The following PAH variants were observed in gnomAD, a reference collection of about 807,000 sequenced individuals.
PAH encodes the protein phenylalanine hydroxylase, also known as phenylalanine-4-hydroxylase.
Under a neutral mutation model 62.0 loss-of-function variants are expected in PAH, and 64 were observed. The observed-to-expected ratio is 1.03, with a 90% CI of 0.84 to 1.27. The LOEUF (loss-of-function observed/expected upper bound fraction) is 1.27. Among genes scored for constraint, PAH ranks in the 50% most tolerant of loss-of-function variants. The probability of loss-of-function intolerance (pLI) is 0.00; values close to 1 mark genes in which losing one functional copy is unlikely to be tolerated. For synonymous variants in PAH, 195 were observed against 196.2 expected (o/e 0.99, Z 0.05); for missense variants, 579 against 542.8 (o/e 1.07, Z -0.66).
chr12:102,891,133 A>G (rs1329120533), intron 3 of PAH, among the ~76,000 whole-genome samples: 5 of 152,202 alleles, frequency 3.3e-5, no homozygotes, highest in Non-Finnish European at 7.3e-5. Flanking sequence ...CTGGATCCTC[A>G]GAGCTAAACA....
At chr12:102,903,406 C>T (rs1269473269) in intron 2 of PAH, among the ~76,000 whole-genome samples, 2 of 112,090 alleles carry the variant, frequency 1.8e-5, no homozygotes, top group Admixed American at 9.4e-5. Flanking sequence ...CAAAAAAAAA[C>T]AACCTTATGT....
intron 5 of PAH, among the ~76,000 whole-genome samples, chr12:102,857,460 G>A (rs1875490833): frequency 6.6e-6 from 1 of 152,120 alleles, no homozygotes; most frequent in African/African-American, 2.4e-5. Flanking sequence ...TCAAATTCAG[G>A]AAATACAGAG....
chr12:102,910,496 A>G (rs1878162764), intron 2 of PAH, among the ~76,000 whole-genome samples: 1 of 151,242 alleles, frequency 6.6e-6, no homozygotes. Context: ...TTGGCCTCCC[A>G]AATAGGTGGG....
intron 8 of PAH, 32 bp downstream of exon 8, chr12:102,851,655 A>G: frequency 6.3e-7 from 1 of 1,595,914 alleles, no homozygotes; most frequent in South Asian, 1.1e-5. Context: ...TCACAGACCT[A>G]TAACTAGAAG....
At position 102,844,434 on chromosome 12, in the gene PAH, G is replaced by A; in HGVS notation, c.970-3C>T. 1 of 1,601,680 alleles carries A rather than the reference G, an allele frequency of 6.2e-7. No individual in the cohort carries two copies. On this transcript the variant is annotated splice_polypyrimidine_tract_variant and splice_region_variant and intron_variant, in intron 9 of 12. Transcript: ENST00000553106. ...AACTCCACAGTAAACCAGTAAATCT[G>A]GAATGGAAAGTCAATCTGAGAGCAC... is the stretch of plus-strand genomic sequence containing the variant.
intron 3 of PAH, among the ~76,000 whole-genome samples, chr12:102,890,821 A>G (rs1468890600): frequency 1.3e-5 from 2 of 152,154 alleles, no homozygotes; most frequent in Non-Finnish European, 2.9e-5. Context: ...TGTGGCTCAC[A>G]CTTGTAATCT....
intron 1 of PAH, among the ~76,000 whole-genome samples, chr12:102,931,703 C>G (rs1297884223): frequency 6.6e-6 from 1 of 152,168 alleles, no homozygotes; most frequent in African/African-American, 2.4e-5. Flanking sequence ...CGTTAGCACC[C>G]TGTTGACATT....
At chr12:102,958,106 C>T in intron 1 of PAH, 2 of 573,940 alleles carry the variant, frequency 3.5e-6, no homozygotes, top group Non-Finnish European at 5.3e-6. Flanking sequence ...TTTTAACTTC[C>T]GTCAGGGCTC....
At chr12:102,858,152 T>C (rs2264623) in intron 5 of PAH, among the ~76,000 whole-genome samples, 97,377 of 151,696 alleles carry the variant, frequency 0.64, 32,581 homozygotes, top group African/African-American at 0.78. Flanking sequence ...AAATGGAAAA[T>C]GAAAAAAGGC....
intron 3 of PAH, among the ~76,000 whole-genome samples, chr12:102,881,786 T>C (rs933399324): frequency 5.3e-5 from 8 of 152,212 alleles, no homozygotes; most frequent in Admixed American, 3.3e-4. Flanking sequence ...CAAATGACAA[T>C]ATTTCTTTTT....
At chr12:102,893,603 G>A (rs190731900) in intron 3 of PAH, among the ~76,000 whole-genome samples, 1 of 152,174 alleles carries the variant, frequency 6.6e-6, no homozygotes, top group Admixed American at 6.5e-5. Flanking sequence ...GTTTATGTAT[G>A]ACTTCATTTA....
Position 102,851,234 on chromosome 12 carries a change from A to T in PAH, c.912+453T>A, listed in dbSNP as rs549898130. 2.5e-3 allele frequency among the ~76,000 whole-genome samples: 387 copies of T among 152,216 alleles called. 1 individual carries two copies. The highest frequency in any genetic ancestry group is 0.022 in the South Asian group (105 of 4,818). Reference sequence around the variant, plus strand: ...ATTCAGCTCATTTTTTTCTTTGTTAACTCTAAGTCAGGGTATCAGCATTGG... The same window carrying T: ...ATTCAGCTCATTTTTTTCTTTGTTATCTCTAAGTCAGGGTATCAGCATTGG... On this transcript the variant is annotated intron_variant, in intron 8 of 12. Transcript: ENST00000553106.
intron 1 of PAH, among the ~76,000 whole-genome samples, chr12:102,924,500 C>T (rs1878633619): frequency 6.6e-6 from 1 of 152,098 alleles, no homozygotes; most frequent in African/African-American, 2.4e-5. Context: ...GATATATGCA[C>T]AGCAAAGAGC....
intron 3 of PAH, among the ~76,000 whole-genome samples, chr12:102,892,214 C>T (rs1229900220): frequency 6.6e-6 from 1 of 152,106 alleles, no homozygotes; most frequent in East Asian, 1.9e-4. Context: ...CTAGAAAGGC[C>T]ATGGAGCTAC....
chr12:102,904,294 A>G (rs1877883942), intron 2 of PAH, among the ~76,000 whole-genome samples: 1 of 152,176 alleles, frequency 6.6e-6, no homozygotes, highest in African/African-American at 2.4e-5. Context: ...ATGCCATTCC[A>G]TCCCTCAGGA....
At chr12:102,907,675 G>A (rs1348699900) in intron 2 of PAH, among the ~76,000 whole-genome samples, 2 of 151,956 alleles carry the variant, frequency 1.3e-5, no homozygotes, top group African/African-American at 4.8e-5. Context: ...CTGGAGTGCA[G>A]TGGGGTGATC....
At chr12:102,918,922 T>A (rs1878485508), upstream of PAH, among the ~76,000 whole-genome samples, 1 of 150,698 alleles carries the variant, frequency 6.6e-6, no homozygotes, top group South Asian at 2.1e-4. Context: ...TGATGCTACT[T>A]GAGGGCAATG....
intron 1 of PAH, among the ~76,000 whole-genome samples, chr12:102,949,048 A>C (rs182066994): frequency 6.6e-6 from 1 of 152,160 alleles, no homozygotes; most frequent in Admixed American, 6.5e-5. Context: ...CGAACGACCC[A>C]CACAACTCGC....
chr12:102,848,218 A>C (rs568097906), intron 8 of PAH, among the ~76,000 whole-genome samples: 30 of 149,584 alleles, frequency 2.0e-4, no homozygotes, highest in African/African-American at 7.0e-4. Flanking sequence ...ACACCAGGAG[A>C]CTGGAGGGTA....
Sources: gnomAD v4.1 joint callset for allele counts (sites outside exome capture counted in the v4.1 genomes callset) on GRCh38, gnomAD v4.1.1 for gene constraint, MANE v1.5 for transcripts, NCBI Gene and HGNC (gene_info 2026-07-23, HGNC 2026-07-21) for gene names.